CCZ1: variants seen among roughly 807,000 people sequenced by gnomAD.
CCZ1 encodes the protein vacuolar fusion protein CCZ1 homolog.
In CCZ1, 19 loss-of-function variants were observed where a neutral mutation model predicts 57.8. The observed-to-expected ratio is 0.33, with a 90% CI of 0.23 to 0.48. The LOEUF is 0.48. CCZ1 is among the 20% of genes least tolerant of loss of function. The probability of loss-of-function intolerance (pLI) is 0.99; values close to 1 mark genes in which losing one functional copy is unlikely to be tolerated. For synonymous variants in CCZ1, 81 were observed against 167.0 expected, an observed-to-expected ratio of 0.49 and a Z score of 3.97; for missense variants, 200 against 492.0, an observed-to-expected ratio of 0.41 and a Z score of 5.61.
intron 8 of CCZ1, among the ~76,000 whole-genome samples, chr7:5,911,106 T>G (rs1008576475): frequency 2.0e-5 from 3 of 148,970 alleles, no homozygotes; most frequent in Admixed American, 1.3e-4. Flanking sequence ...AATCGACTTG[T>G]GTAGTCTTTT....
In CCZ1 at chr7:5,921,180, C is replaced by T. The variant is rs370281811; in HGVS notation, c.1106+1214C>T. 1.6e-4 allele frequency among the ~76,000 whole-genome samples: 21 copies of T among 132,956 alleles called. 1 individual carries two copies. The East Asian group carries it at 3.9e-3, about 24-fold the overall frequency. 87.2% of individuals were successfully genotyped at this position (132,956 alleles called of 152,430 possible). ...TCCTGACCTCGTGATCCACCCACTT[C>T]GGCCTCCCAAAGTGCTGGGATGACA... is the stretch of plus-strand genomic sequence containing the variant. On this transcript the variant is annotated intron_variant, in intron 12 of 14. Coordinates refer to ENST00000325974, the MANE Select transcript of CCZ1 (RefSeq NM_015622.6).
At chr7:5,899,237 A>G (rs1299501927) in intron 1 of CCZ1, among the ~76,000 whole-genome samples, 5 of 111,520 alleles carry the variant, frequency 4.5e-5, no homozygotes, top group African/African-American at 1.7e-4. Context: ...GAAGCGTGGA[A>G]CCAGGGTGGC....
intron 7 of CCZ1, among the ~76,000 whole-genome samples, chr7:5,906,386 G>A (rs1288076726): frequency 1.4e-5 from 2 of 143,292 alleles, no homozygotes; most frequent in Admixed American, 1.4e-4. Flanking sequence ...ACAGTGGCGC[G>A]ATCTTGGCTC....
At chr7:5,911,804 C>G in intron 8 of CCZ1, 57 bp from the exon 9 acceptor site, 1 of 1,226,536 alleles carries the variant, frequency 8.2e-7, no homozygotes, top group Non-Finnish European at 1.1e-6. Flanking sequence ...TTTTTCAAAG[C>G]TTGGAAAATA....
rs536546864 is a variant in CCZ1, at chr7:5,914,746, C to A, written c.954+1792C>A. Reference sequence around the variant, plus strand: ...AAAAAATCAGCCAGGCGAGGTGGCACACGCCTCTAATCCCAGCTACTCCGG... The same window carrying A: ...AAAAAATCAGCCAGGCGAGGTGGCAAACGCCTCTAATCCCAGCTACTCCGG... On this transcript the variant is annotated intron_variant, in intron 10 of 14. Coordinates refer to ENST00000325974, the MANE Select transcript of CCZ1 (RefSeq NM_015622.6). Among the ~76,000 whole-genome samples the A allele has an allele frequency of 5.5e-4, 81 of 148,420 alleles. 2 individuals are homozygous for A. Among genetic ancestry groups the A allele is most frequent in the African/African-American group, 1.9e-3 (78 of 40,010 alleles).
chr7:5,901,371 G>T (rs1583180255), intron 4 of CCZ1: 2 of 289,616 alleles, frequency 6.9e-6, no homozygotes, highest in Non-Finnish European at 6.0e-6. Context: ...TGTCATCCCG[G>T]CTTCTCAGGA....
Position 5,902,703 on chromosome 7 carries a change from G to GT in CCZ1, c.482dup (p.Lys162GlnfsTer24). 6.3e-7 allele frequency: 1 copy of GT among 1,591,274 alleles called. No homozygotes were observed. On this transcript the variant is annotated frameshift_variant, in exon 6 of 15. Coordinates refer to ENST00000325974, the MANE Select transcript of CCZ1 (RefSeq NM_015622.6). LOFTEE classifies it high-confidence loss of function. ...TCTGAAAGCCATGGAAGACGGAGGC[G>GT]TCAAGCTTCTGAAAGAAAGATTAGA...
chr7:5,924,210 G>A (rs1183732962), intron 14 of CCZ1, among the ~76,000 whole-genome samples: 1 of 67,760 alleles, frequency 1.5e-5, no homozygotes, highest in South Asian at 4.7e-4. Context: ...AAAAAAAAAT[G>A]ACTTTATATT....
rs897571991 is a variant in CCZ1, at chr7:5,904,546, T to A, written c.523-548T>A. On this transcript the variant is annotated intron_variant, in intron 6 of 14. Coordinates refer to ENST00000325974, the MANE Select transcript of CCZ1 (RefSeq NM_015622.6). Reference sequence around the variant, plus strand: ...TCTATACCAAAAAAAAAAAAAAAAATTTTTGGCCAGGCGTGGTGGCTCACA... The same window carrying A: ...TCTATACCAAAAAAAAAAAAAAAAAATTTTGGCCAGGCGTGGTGGCTCACA... Among the ~76,000 whole-genome samples, 24 of 141,088 alleles carry A rather than the reference T, an allele frequency of 1.7e-4. 1 individual carries two copies. The highest frequency in any genetic ancestry group is 2.4e-4 in the South Asian group (1 of 4,240). The allele number at this position is 141,088 out of a possible 152,430, so 92.6% of individuals were successfully genotyped here.
rs1255979101 is a variant in CCZ1, at chr7:5,921,174, C to G, written c.1106+1208C>G. ...TCGAACTCCTGACCTCGTGATCCAC[C>G]CACTTCGGCCTCCCAAAGTGCTGGG... On this transcript the variant is annotated intron_variant, in intron 12 of 14. Transcript: ENST00000325974. 7.5e-4 allele frequency among the ~76,000 whole-genome samples: 100 copies of G among 132,508 alleles called. 5 individuals carry two copies. Among genetic ancestry groups the G allele is most frequent in the Admixed American group, 1.9e-3 (25 of 13,238 alleles). The allele number at this position is 132,508 out of a possible 152,430, so 86.9% of individuals were successfully genotyped here. A position where few individuals can be genotyped will look rare whatever the true frequency, so the allele number is the denominator to read the frequency against.
In CCZ1 at chr7:5,900,385, A is replaced by G; in HGVS notation, c.218+4A>G. Reference sequence around the variant, plus strand: ...AAGCTATTGTACAGTTTACAAGGTAATACCTCTAAGTGTGCTTTTAGCGTT... The same window carrying G: ...AAGCTATTGTACAGTTTACAAGGTAGTACCTCTAAGTGTGCTTTTAGCGTT... On this transcript the variant is annotated splice_donor_region_variant and intron_variant, in intron 2 of 14. Coordinates refer to ENST00000325974, the MANE Select transcript of CCZ1 (RefSeq NM_015622.6). 1 of 1,557,756 alleles carries G rather than the reference A, an allele frequency of 6.4e-7. No homozygotes were observed. The highest frequency in any genetic ancestry group is 1.4e-5 in the African/African-American group (1 of 72,086).
intron 1 of CCZ1, among the ~76,000 whole-genome samples, chr7:5,899,821 A>G (rs1399334837): frequency 6.6e-6 from 1 of 151,790 alleles, no homozygotes; most frequent in Non-Finnish European, 1.5e-5. Context: ...GACTGGATTT[A>G]ATTTTCAGGG....
At position 5,900,562 on chromosome 7, in the gene CCZ1, T is replaced by A. The variant is rs760252882; in HGVS notation, c.308T>A (p.Val103Asp). Residue 103 changes from valine (V) to aspartate (D), a missense_variant, in exon 3 of 15, where the codon GTC becomes GAC. Transcript: ENST00000325974. Reference sequence around the variant, plus strand: ...GAACCAGAAGAAAATTTCTGGATGGTCATGGTATTTACATACACAGTGTAT... The same window carrying A: ...GAACCAGAAGAAAATTTCTGGATGGACATGGTATTTACATACACAGTGTAT... ...FNEPEENFWMVMVVRNPIIEK... is the reference protein window; with the variant it reads ...FNEPEENFWMDMVVRNPIIEK... The A allele has an allele frequency of 1.2e-6, 2 of 1,601,714 alleles. No homozygotes were observed. Among genetic ancestry groups the A allele is most frequent in the Non-Finnish European group, 1.7e-6 (2 of 1,178,010 alleles).
At chr7:5,901,955 A>C in intron 5 of CCZ1, 1 of 479,602 alleles carries the variant, frequency 2.1e-6, no homozygotes, top group South Asian at 3.7e-5. Flanking sequence ...AAGTGTGTCT[A>C]TGTGCTCAAG....
intron 2 of CCZ1, 44 bp from the exon 3 acceptor site, chr7:5,900,429 G>A (rs767124622): frequency 6.3e-7 from 1 of 1,577,164 alleles, no homozygotes; most frequent in Non-Finnish European, 8.6e-7. Flanking sequence ...TCTTAAAACT[G>A]CTGCTGGAGA....
At chr7:5,905,618 C>T (rs1342449592) in intron 7 of CCZ1, among the ~76,000 whole-genome samples, 2 of 144,270 alleles carry the variant, frequency 1.4e-5, no homozygotes, top group Admixed American at 6.8e-5. Flanking sequence ...CCTGTCTCTA[C>T]TAAAAATACA....
chr7:5,902,428 G>A (rs1781705770), intron 5 of CCZ1: 9 of 625,094 alleles, frequency 1.4e-5, no homozygotes, highest in Non-Finnish European at 1.8e-5. Flanking sequence ...TGAAATTTTT[G>A]AAAGATGCCT....
intron 7 of CCZ1, among the ~76,000 whole-genome samples, chr7:5,907,427 G>A (rs1412369997): frequency 1.3e-5 from 2 of 149,124 alleles, no homozygotes; most frequent in African/African-American, 5.0e-5. Flanking sequence ...GAATCCAGCA[G>A]TAGTGGCCCA....
At chr7:5,914,401 A>C (rs1217409503) in intron 10 of CCZ1, among the ~76,000 whole-genome samples, 7 of 149,180 alleles carry the variant, frequency 4.7e-5, no homozygotes, top group Admixed American at 4.0e-4. Flanking sequence ...ACACCACTGC[A>C]TTCTAGCCTG....
Sources: gnomAD v4.1 joint callset for allele counts (sites outside exome capture counted in the v4.1 genomes callset) on GRCh38, gnomAD v4.1.1 for gene constraint, MANE v1.5 for transcripts, NCBI Gene and HGNC (gene_info 2026-07-23, HGNC 2026-07-21) for gene names.